Variants in ETF1 observed in about 807,000 individuals in gnomAD.
The protein encoded by ETF1 is eukaryotic peptide chain release factor subunit 1.
Under a neutral mutation model 55.1 loss-of-function variants are expected in ETF1, and 4 were observed. That is an observed-to-expected ratio of 0.07 (90% confidence interval 0.04 to 0.17). ETF1 has a LOEUF of 0.17. Ranked by LOEUF, ETF1 falls within the 10% of genes least tolerant of loss-of-function variation. The pLI is 1.00. For synonymous variants in ETF1, 157 were observed against 182.3 expected, an observed-to-expected ratio of 0.86 and a Z score of 1.12; for missense variants, 142 against 523.6, an observed-to-expected ratio of 0.27 and a Z score of 7.11.
rs555206625 is a variant in ETF1 at position 138,529,284 on chromosome 5, G to A, written c.87-10417C>T. Among the ~76,000 whole-genome samples the A allele has an allele frequency of 2.0e-5, 3 of 152,300 alleles. No individual in the cohort carries two copies. In the East Asian group the frequency reaches 5.8e-4, roughly 29 times the overall value. ...TCAATCAAAGTTGTTAGACCAGTTT[G>A]TGTAAACACCCAAAATAAAATTAAG... On this transcript the variant is annotated intron_variant, in intron 2 of 10. Transcript: ENST00000360541.
rs1225002561 is a variant in ETF1, at chr5:138,541,544, TAAG to T, written c.86+1286_86+1288del. 1.3e-5 allele frequency: 20 copies of T among 1,535,286 alleles called. No individual in the cohort carries two copies. In the East Asian group the frequency reaches 4.6e-4, roughly 36 times the overall value. ...CTGTGAATTGGGCCTTCAGTACAATTAAGCACATCCTGTTTCATATAACAGTAA... is the reference window on the plus strand; with the variant it reads ...CTGTGAATTGGGCCTTCAGTACAATTCACATCCTGTTTCATATAACAGTAA... On this transcript the variant is annotated intron_variant, in intron 2 of 10. Transcript: ENST00000360541.
intron 10 of ETF1, 110 bp from the exon 11 acceptor site, chr5:138,508,497 A>T: frequency 6.4e-7 from 1 of 1,565,958 alleles, no homozygotes; most frequent in Non-Finnish European, 8.6e-7. Flanking sequence ...AATTGCAGAA[A>T]GCAAAGAGGT....
chr5:138,531,610 C>T (rs906185420), intron 2 of ETF1, among the ~76,000 whole-genome samples: 4 of 152,200 alleles, frequency 2.6e-5, no homozygotes, highest in Admixed American at 6.5e-5. Context: ...ACTCCCTAAC[C>T]GGGATGTACA....
rs58386195 is a variant in ETF1, at chr5:138,512,197, C to CAAAAAA, written c.732+561_732+566dup. Among the ~76,000 whole-genome samples the CAAAAAA allele has an allele frequency of 9.9e-3, 28 of 2,842 alleles. 9 individuals carry two copies. The highest frequency in any genetic ancestry group is 0.05 in the South Asian group (2 of 40). 1.9% of individuals were successfully genotyped at this position (2,842 alleles called of 152,430 possible). A position where few individuals can be genotyped will look rare whatever the true frequency, so the allele number is the denominator to read the frequency against. On this transcript the variant is annotated intron_variant, in intron 6 of 10. Transcript: ENST00000360541. The stretch of plus-strand genomic sequence containing the variant: ...TAGGCAAGATAGCCAGACCCAGTCT[C>CAAAAAA]AAAAAAAAAAAAAAAAAAAAAAAAA...
chr5:138,540,739 A>G lies in ETF1; in HGVS notation c.86+2094T>C, dbSNP rs140689154. 3.1e-3 allele frequency among the ~76,000 whole-genome samples: 479 copies of G among 152,304 alleles called. 6 individuals carry two copies. Among genetic ancestry groups the G allele is most frequent in the Middle Eastern group, 0.014 (4 of 294 alleles). On this transcript the variant is annotated intron_variant, in intron 2 of 10. Transcript: ENST00000360541. ...TGAAATATCCAAACTCAACAACTTG[A>G]AATACAAGTTGTGTCTTATAACTTC...
At chr5:138,509,435 A>G (rs1241925475) in intron 9 of ETF1, among the ~76,000 whole-genome samples, 2 of 152,162 alleles carry the variant, frequency 1.3e-5, no homozygotes, top group African/African-American at 4.8e-5. Context: ...TGATTGCTTA[A>G]CTACTTAAAA....
At chr5:138,530,123 G>A (rs1765636382) in intron 2 of ETF1, among the ~76,000 whole-genome samples, 1 of 152,100 alleles carries the variant, frequency 6.6e-6, no homozygotes, top group South Asian at 2.1e-4. Context: ...TCCCAGCCCT[G>A]AATCCTTTTA....
intron 2 of ETF1, among the ~76,000 whole-genome samples, chr5:138,521,428 C>CTA (rs1261760704): frequency 1.3e-5 from 2 of 152,192 alleles, no homozygotes; most frequent in African/African-American, 4.8e-5. Context: ...TACTGCTGAA[C>CTA]TATACACTTG....
At chr5:138,516,736 A>T (rs775768362) in intron 4 of ETF1, among the ~76,000 whole-genome samples, 15 of 152,260 alleles carry the variant, frequency 9.9e-5, no homozygotes, top group Non-Finnish European at 2.1e-4. Context: ...TTTGGAAAAC[A>T]GTCTAGCAAC....
chr5:138,509,252 G>A (rs569313170), intron 9 of ETF1: 56 of 839,548 alleles, frequency 6.7e-5, no homozygotes, highest in Middle Eastern at 6.1e-4. Context: ...TATCTCATAC[G>A]GGAGGGTCAT....
intron 2 of ETF1, among the ~76,000 whole-genome samples, chr5:138,535,936 A>C (rs916698195): frequency 6.7e-6 from 1 of 149,488 alleles, no homozygotes; most frequent in Non-Finnish European, 1.5e-5. Flanking sequence ...ATCCCCTTCA[A>C]CATGTACTGT....
chr5:138,527,858 C>T (rs1320158368), intron 2 of ETF1, among the ~76,000 whole-genome samples: 1 of 152,002 alleles, frequency 6.6e-6, no homozygotes, highest in African/African-American at 2.4e-5. Flanking sequence ...CTGCAACCTC[C>T]GCCTCCTGGG....
At chr5:138,539,360 C>T (rs1194907770) in intron 2 of ETF1, among the ~76,000 whole-genome samples, 1 of 152,198 alleles carries the variant, frequency 6.6e-6, no homozygotes, top group Non-Finnish European at 1.5e-5. Flanking sequence ...ATAATTCTCC[C>T]CCTTTTTCCA....
chr5:138,535,874 C>CAAAA (rs35261297), intron 2 of ETF1, among the ~76,000 whole-genome samples: 3,192 of 57,762 alleles, frequency 0.055, 894 homozygotes, highest in Non-Finnish European at 0.06. Flanking sequence ...GACTCCGCCT[C>CAAAA]AAAAAAAAAA....
chr5:138,519,391 C>T (rs1478893727), intron 2 of ETF1, among the ~76,000 whole-genome samples: 4 of 152,096 alleles, frequency 2.6e-5, no homozygotes, highest in East Asian at 1.9e-4. Context: ...CGGCCGGGCA[C>T]GATGGCTCAC....
At chr5:138,541,046 T>C (rs1041977513) in intron 2 of ETF1, among the ~76,000 whole-genome samples, 2 of 152,250 alleles carry the variant, frequency 1.3e-5, no homozygotes, top group Admixed American at 6.5e-5. Flanking sequence ...TGTGTAAACC[T>C]GCCTGCTACT....
At chr5:138,511,974 G>T in intron 6 of ETF1, 1 of 728,242 alleles carries the variant, frequency 1.4e-6, no homozygotes, top group Non-Finnish European at 1.7e-6. Context: ...AGGAGAGGCA[G>T]ACAGCTTGAG....
At chr5:138,523,039 C>G (rs900262103) in intron 2 of ETF1, among the ~76,000 whole-genome samples, 1 of 151,166 alleles carries the variant, frequency 6.6e-6, no homozygotes, top group African/African-American at 2.4e-5. Flanking sequence ...ACAAAAAAAC[C>G]CTTACACTAC....
chr5:138,542,055 C>A (rs1766201151), intron 2 of ETF1, among the ~76,000 whole-genome samples: 2 of 152,132 alleles, frequency 1.3e-5, no homozygotes, highest in South Asian at 2.1e-4. Flanking sequence ...CAGCGATATC[C>A]CCACAAGTTT....
Sources: allele counts gnomAD v4.1 joint callset (sites outside exome capture counted in the v4.1 genomes callset), GRCh38; gene constraint gnomAD v4.1.1; transcripts MANE v1.5; gene names NCBI Gene and HGNC (gene_info 2026-07-23, HGNC 2026-07-21).